The following HECW2 variants were observed in gnomAD, a reference collection of about 807,000 sequenced individuals.
HECW2 encodes E3 ubiquitin-protein ligase HECW2.
Under a neutral mutation model 175.2 loss-of-function variants are expected in HECW2, and 61 were observed. That is an observed-to-expected ratio of 0.35 (90% CI 0.28 to 0.43). The LOEUF is 0.43. Ranked by LOEUF, HECW2 falls within the 20% of genes least tolerant of loss-of-function variation. The pLI, the probability that HECW2 is intolerant of heterozygous loss-of-function variation, is 1.00. For missense variants in HECW2, 1,524 were observed against 2,000.5 expected, an observed-to-expected ratio of 0.76 and a Z score of 4.54; for synonymous variants, 671 against 731.0, an observed-to-expected ratio of 0.92 and a Z score of 1.32.
rs1291997159 is a variant in HECW2, at chr2:196,322,468, G to T, written c.884+10C>A. ...TCTCAACAAGATCCCCAAAGGTAAG[G>T]GCTGATTACCCGATGGCTTGTCGCT... On this transcript the variant is annotated intron_variant, in intron 7 of 28. Transcript: ENST00000644978. 1.9e-6 allele frequency: 3 copies of T among 1,611,938 alleles called. No homozygotes were observed. In the East Asian group the frequency reaches 6.7e-5, roughly 36 times the overall value.
chr2:196,242,491 T>A, intron 19 of HECW2: 1 of 380,134 alleles, frequency 2.6e-6, no homozygotes, highest in Non-Finnish European at 4.9e-6. Context: ...GAAACTAATA[T>A]GAGTCAAACA....
At chr2:196,575,307 T>C (rs1690524755) in intron 1 of HECW2, among the ~76,000 whole-genome samples, 1 of 152,040 alleles carries the variant, frequency 6.6e-6, no homozygotes, top group Non-Finnish European at 1.5e-5. Flanking sequence ...CTGGTACACT[T>C]AGTGAGAATG....
chr2:196,513,230 A>C (rs1038340532), intron 1 of HECW2, among the ~76,000 whole-genome samples: 4 of 152,216 alleles, frequency 2.6e-5, no homozygotes, highest in Non-Finnish European at 5.9e-5. Flanking sequence ...TAGTAATTTC[A>C]TCTTTCACAA....
intron 1 of HECW2, among the ~76,000 whole-genome samples, chr2:196,526,546 G>A (rs1559159291): frequency 6.6e-6 from 1 of 151,910 alleles, no homozygotes; most frequent in Non-Finnish European, 1.5e-5. Flanking sequence ...TGGAGGAGGA[G>A]AGGCGCTCTG....
In HECW2 at chr2:196,318,675, G is replaced by A. The variant is rs781780695; in HGVS notation, c.2215C>T (p.Arg739Trp). Residue 739 changes from arginine to tryptophan, a missense_variant, in exon 9 of 29, where the codon CGG becomes TGG. Physicochemically the swap from Arg to Trp is moderately radical, Grantham distance 101. This residue lies in a region of HECW2 where 604 missense variants were observed against 588.3 expected (regional missense o/e 1.03). Coordinates refer to ENST00000644978, the MANE Select transcript of HECW2 (RefSeq NM_001348768.2). ...GCAGCTCCCTCCAGGCTCCCCCTCCGCTGCCAGACCTCCCCCAGCTCCTCC... is the reference window on the plus strand; with the variant it reads ...GCAGCTCCCTCCAGGCTCCCCCTCCACTGCCAGACCTCCCCCAGCTCCTCC... ...DQEELGEVWQ[R>W]RGSLEGAAAA... 3.0e-5 allele frequency: 48 copies of A among 1,596,902 alleles called. No homozygotes were observed. The highest frequency in any genetic ancestry group is 1.7e-4 in the Middle Eastern group (1 of 5,994).
At chr2:196,505,726 G>A (rs1303379822) in intron 1 of HECW2, among the ~76,000 whole-genome samples, 1 of 152,106 alleles carries the variant, frequency 6.6e-6, no homozygotes, top group Non-Finnish European at 1.5e-5. Flanking sequence ...TCCTTATCAA[G>A]AAAACATTAT....
At chr2:196,392,443 G>A (rs1046947006) in intron 2 of HECW2, among the ~76,000 whole-genome samples, 1 of 152,046 alleles carries the variant, frequency 6.6e-6, no homozygotes, top group South Asian at 2.1e-4. Flanking sequence ...TAATTAAAAT[G>A]CTACATAGAG....
chr2:196,484,428 G>A lies in HECW2; in HGVS notation c.-35-50970C>T, dbSNP rs572019501. ...CTTTGCTCACAATCTCTCTCAGGTT[G>A]CTTACACAGCGTGATCCTGAAGGCT... On this transcript the variant is annotated intron_variant, in intron 1 of 28. Coordinates refer to ENST00000644978, the MANE Select transcript of HECW2 (RefSeq NM_001348768.2). Among the ~76,000 whole-genome samples, 25 of 152,226 alleles carry A rather than the reference G, an allele frequency of 1.6e-4. No homozygotes were observed. In the South Asian group the frequency reaches 5.2e-3, roughly 32 times the overall value.
At chr2:196,495,117 G>A (rs1033674407) in intron 1 of HECW2, among the ~76,000 whole-genome samples, 2 of 151,664 alleles carry the variant, frequency 1.3e-5, no homozygotes, top group South Asian at 4.2e-4. Flanking sequence ...CACCCAGGTG[G>A]AGTGCAATGG....
Position 196,201,115 on chromosome 2 carries a change from C to G in HECW2, c.*162G>C. On this transcript the variant is annotated 3_prime_UTR_variant, in exon 29 of 29. Transcript: ENST00000644978. ...CCCAAATCCTTCCAAGAGGACTCAT[C>G]TCCAGTCCCCAAATGTGACAGAGCA... 1.7e-6 allele frequency: 1 copy of G among 599,246 alleles called. No individual in the cohort carries two copies. Among genetic ancestry groups the G allele is most frequent in the Non-Finnish European group, 3.0e-6 (1 of 327,926 alleles). 37.1% of individuals were successfully genotyped at this position (599,246 alleles called of 1,614,324 possible). A position where few individuals can be genotyped will look rare whatever the true frequency, so the allele number is the denominator to read the frequency against.
At chr2:196,520,392 G>A (rs999602633) in intron 1 of HECW2, among the ~76,000 whole-genome samples, 18 of 152,026 alleles carry the variant, frequency 1.2e-4, no homozygotes, top group Non-Finnish European at 2.2e-4. Context: ...CCAACCCTAC[G>A]TAGTTAACAA....
intron 1 of HECW2, among the ~76,000 whole-genome samples, chr2:196,469,122 T>TGTGTGTGTGC (rs1553520740): frequency 1.8e-4 from 14 of 79,314 alleles, no homozygotes; most frequent in African/African-American, 1.1e-3. Context: ...TGTGTGTGCG[T>TGTGTGTGTGC]GTGTGTGTGT....
intron 1 of HECW2, among the ~76,000 whole-genome samples, chr2:196,476,841 T>C (rs1686641420): frequency 7.0e-6 from 1 of 143,440 alleles, no homozygotes. Context: ...CTGGGTGCAA[T>C]GGCTCATGCC....
At chr2:196,253,585 T>C (rs1338421106) in intron 19 of HECW2, among the ~76,000 whole-genome samples, 1 of 152,218 alleles carries the variant, frequency 6.6e-6, no homozygotes, top group Non-Finnish European at 1.5e-5. Flanking sequence ...TTATCTTCAT[T>C]GTATATCAAA....
At chr2:196,569,112 G>C (rs1323661114) in intron 1 of HECW2, among the ~76,000 whole-genome samples, 2 of 152,148 alleles carry the variant, frequency 1.3e-5, no homozygotes, top group Non-Finnish European at 1.5e-5. Flanking sequence ...CCAGGGAGGA[G>C]AATCACTTGA....
intron 1 of HECW2, among the ~76,000 whole-genome samples, chr2:196,439,187 T>C (rs978634255): frequency 2.6e-5 from 4 of 152,226 alleles, no homozygotes; most frequent in Non-Finnish European, 5.9e-5. Context: ...CAATAAAAAG[T>C]AGCCATGGTT....
intron 10 of HECW2, among the ~76,000 whole-genome samples, chr2:196,310,454 A>G (rs1412137226): frequency 1.3e-5 from 2 of 152,224 alleles, no homozygotes; most frequent in African/African-American, 4.8e-5. Flanking sequence ...CACGCTGTCA[A>G]TATCATTCTA....
At chr2:196,502,694 G>T (rs1027566230) in intron 1 of HECW2, among the ~76,000 whole-genome samples, 1 of 152,074 alleles carries the variant, frequency 6.6e-6, no homozygotes, top group Non-Finnish European at 1.5e-5. Context: ...TGTCAGGCAT[G>T]GTTCTAAGGA....
intron 1 of HECW2, among the ~76,000 whole-genome samples, chr2:196,457,206 C>T (rs1428366839): frequency 1.3e-5 from 2 of 152,218 alleles, no homozygotes; most frequent in Admixed American, 6.5e-5. Context: ...GCTTTGATCA[C>T]ATCAAGTTTC....
Sources: allele counts gnomAD v4.1 joint callset (sites outside exome capture counted in the v4.1 genomes callset), GRCh38; gene constraint gnomAD v4.1.1; regional missense constraint gnomAD v4.1.1; transcripts MANE v1.5; gene names NCBI Gene and HGNC (gene_info 2026-07-23, HGNC 2026-07-21).